The following LRMDA variants were observed in gnomAD, a reference collection of about 807,000 sequenced individuals.
LRMDA encodes the protein leucine-rich melanocyte differentiation-associated protein.
Under a neutral mutation model 29.8 loss-of-function variants are expected in LRMDA, and 18 were observed. The observed-to-expected ratio is 0.60, with a 90% CI of 0.42 to 0.90. LRMDA has a LOEUF of 0.90. Ranked by LOEUF, LRMDA falls within the 40% of genes least tolerant of loss-of-function variation. LRMDA has a pLI of 0.00. For missense variants in LRMDA, 273 were observed against 273.9 expected (o/e 1.00, Z 0.02); for synonymous variants, 125 against 109.4 (o/e 1.14, Z -0.89).
At chr10:76,403,285 G>C (rs2132499105) in intron 6 of LRMDA, 2 of 152,090 alleles carry the variant, frequency 1.3e-5, no homozygotes, top group East Asian at 3.9e-4. Flanking sequence ...AAGATTCAGA[G>C]TCCCTGAGAT....
intron 2 of LRMDA, among the ~76,000 whole-genome samples, chr10:75,999,076 G>C (rs1847518762): frequency 6.6e-6 from 1 of 152,192 alleles, no homozygotes; most frequent in Non-Finnish European, 1.5e-5. Flanking sequence ...TATGACTTCT[G>C]CTCTCAGGAA....
At chr10:75,924,786 G>A (rs1322799862) in intron 2 of LRMDA, among the ~76,000 whole-genome samples, 1 of 152,064 alleles carries the variant, frequency 6.6e-6, no homozygotes, top group Admixed American at 6.5e-5. Context: ...GGCAGGGAGT[G>A]GGAAGGAGGT....
At chr10:76,139,537 A>G (rs900461982) in intron 5 of LRMDA, among the ~76,000 whole-genome samples, 1 of 152,166 alleles carries the variant, frequency 6.6e-6, no homozygotes, top group Non-Finnish European at 1.5e-5. Context: ...AAACTTGTCA[A>G]TCATTTCCAA....
chr10:75,725,011 A>C (rs1041976040), intron 2 of LRMDA, among the ~76,000 whole-genome samples: 12 of 152,240 alleles, frequency 7.9e-5, no homozygotes, highest in African/African-American at 2.9e-4. Flanking sequence ...TTAGGGACAC[A>C]ATGTATTTGA....
intron 2 of LRMDA, among the ~76,000 whole-genome samples, chr10:75,765,555 G>T (rs1054970580): frequency 6.6e-6 from 1 of 151,928 alleles, no homozygotes; most frequent in Non-Finnish European, 1.5e-5. Context: ...AATTGGTTTT[G>T]AATTTTTTCT....
At chr10:76,472,284 G>A (rs1409113104) in intron 6 of LRMDA, among the ~76,000 whole-genome samples, 1 of 151,682 alleles carries the variant, frequency 6.6e-6, no homozygotes, top group African/African-American at 2.4e-5. Flanking sequence ...CAAATATGTA[G>A]AATATAACAC....
intron 2 of LRMDA, among the ~76,000 whole-genome samples, chr10:75,816,148 G>A (rs2132276095): frequency 6.6e-6 from 1 of 152,246 alleles, no homozygotes; most frequent in Non-Finnish European, 1.5e-5. Context: ...TTTCCATTAT[G>A]GTTTCTTACT....
rs151101259 is a variant in LRMDA, at chr10:76,382,574, A to C, written c.601+58089A>C. 3.1e-3 allele frequency among the ~76,000 whole-genome samples: 473 copies of C among 152,362 alleles called. 4 individuals carry two copies. Among genetic ancestry groups the C allele is most frequent in the African/African-American group, 0.011 (443 of 41,580 alleles). On this transcript the variant is annotated intron_variant, in intron 6 of 6. Coordinates refer to ENST00000611255, the MANE Select transcript of LRMDA (RefSeq NM_001305581.2). Reference sequence around the variant, plus strand: ...GGGTTGCTCAATTCCTCAGATTCTCAAAGCCAGGAGAAAATTTATCCTCTT... The same window carrying C: ...GGGTTGCTCAATTCCTCAGATTCTCCAAGCCAGGAGAAAATTTATCCTCTT...
intron 5 of LRMDA, among the ~76,000 whole-genome samples, chr10:76,262,793 A>G (rs1441435794): frequency 6.6e-6 from 1 of 152,212 alleles, no homozygotes; most frequent in Non-Finnish European, 1.5e-5. Context: ...GCTTTCCAGC[A>G]AGCTTACCAG....
chr10:76,010,800 G>A (rs1847765859), intron 2 of LRMDA, among the ~76,000 whole-genome samples: 1 of 152,234 alleles, frequency 6.6e-6, no homozygotes, highest in South Asian at 2.1e-4. Flanking sequence ...CTCAACAGGT[G>A]GCCTGGCCAC....
chr10:76,151,197 T>C (rs1390887981), intron 5 of LRMDA, among the ~76,000 whole-genome samples: 2 of 152,140 alleles, frequency 1.3e-5, no homozygotes, highest in African/African-American at 2.4e-5. Flanking sequence ...TTGGTGACTT[T>C]TACACCCTCC....
chr10:76,537,626 C>G (rs546871071), intron 6 of LRMDA, among the ~76,000 whole-genome samples: 1 of 152,184 alleles, frequency 6.6e-6, no homozygotes, highest in Non-Finnish European at 1.5e-5. Context: ...GCTTTTCCAT[C>G]GTCACATCTG....
At chr10:75,654,280 T>C (rs1461833831) in intron 2 of LRMDA, among the ~76,000 whole-genome samples, 1 of 152,230 alleles carries the variant, frequency 6.6e-6, no homozygotes. Flanking sequence ...GAGCCTTACT[T>C]GTACATTGGA....
intron 2 of LRMDA, among the ~76,000 whole-genome samples, chr10:75,692,219 A>AATATAT (rs57600678): frequency 9.1e-5 from 8 of 87,564 alleles, no homozygotes; most frequent in South Asian, 4.1e-4. Context: ...AAAAAAAAAA[A>AATATAT]ATATATATAT....
intron 6 of LRMDA, among the ~76,000 whole-genome samples, chr10:76,535,278 T>C (rs1843278146): frequency 6.6e-6 from 1 of 152,120 alleles, no homozygotes; most frequent in Non-Finnish European, 1.5e-5. Context: ...AAGGATGCAT[T>C]ATATATGTGG....
chr10:75,493,023 A>C (rs1456537760), intron 2 of LRMDA, among the ~76,000 whole-genome samples: 1 of 152,196 alleles, frequency 6.6e-6, no homozygotes, highest in Admixed American at 6.5e-5. Context: ...GCCTCGGTAA[A>C]AGAAAATCTG....
chr10:75,839,231 G>A lies in LRMDA; in HGVS notation c.132-196777G>A, dbSNP rs116004135. 2.5e-3 allele frequency among the ~76,000 whole-genome samples: 387 copies of A among 152,342 alleles called. 2 individuals are homozygous for A. Among genetic ancestry groups the A allele is most frequent in the African/African-American group, 8.9e-3 (372 of 41,580 alleles). On this transcript the variant is annotated intron_variant, in intron 2 of 6. Coordinates refer to ENST00000611255, the MANE Select transcript of LRMDA (RefSeq NM_001305581.2). ...TGTTCGTAAAACTTGCAGAGTGGCT[G>A]AGCATCATTAAGCATGAGAAATAGG...
At chr10:76,151,703 A>AT (rs35178738) in intron 5 of LRMDA, among the ~76,000 whole-genome samples, 1 of 152,084 alleles carries the variant, frequency 6.6e-6, no homozygotes, top group African/African-American at 2.4e-5. Context: ...TTTGAATTGC[A>AT]TTTTTTCCTG....
intron 2 of LRMDA, among the ~76,000 whole-genome samples, chr10:75,947,483 A>G (rs960770192): frequency 6.6e-6 from 1 of 152,150 alleles, no homozygotes; most frequent in African/African-American, 2.4e-5. Flanking sequence ...AGGTGCCCAG[A>G]GTGCGAGGAG....
Sources: gnomAD v4.1 joint callset for allele counts (sites outside exome capture counted in the v4.1 genomes callset) on GRCh38, gnomAD v4.1.1 for gene constraint, MANE v1.5 for transcripts, NCBI Gene and HGNC (gene_info 2026-07-23, HGNC 2026-07-21) for gene names.